The following C17orf99 variants were observed in gnomAD, a reference collection of about 807,000 sequenced individuals.
The protein encoded by C17orf99 is chromosome 17 open reading frame 99, also known as protein IL-40.
In C17orf99, 18 loss-of-function variants were observed where a neutral mutation model predicts 22.6. That is an observed-to-expected ratio of 0.80 (90% CI 0.55 to 1.18). The LOEUF is 1.18. C17orf99 is among the 50% of genes most tolerant of loss of function. The pLI is 0.00. For synonymous variants in C17orf99, 147 were observed against 136.6 expected, an observed-to-expected ratio of 1.08 and a Z score of -0.53; for missense variants, 328 against 342.7, an observed-to-expected ratio of 0.96 and a Z score of 0.34.
chr17:78,156,517 C>T (rs190190222), intron 2 of C17orf99, among the ~76,000 whole-genome samples: 156 of 152,116 alleles, frequency 1.0e-3, no homozygotes, highest in Middle Eastern at 0.01. Flanking sequence ...CGCTGACGGG[C>T]TGGTTTTGAT....
intron 3 of C17orf99, among the ~76,000 whole-genome samples, chr17:78,162,539 G>C (rs2075586260): frequency 6.6e-6 from 1 of 152,090 alleles, no homozygotes; most frequent in Admixed American, 6.6e-5. Context: ...GGGGAGATGA[G>C]CCCAGGATCT....
At chr17:78,149,990 A>G (rs9897085) in intron 2 of C17orf99, among the ~76,000 whole-genome samples, 1 of 145,338 alleles carries the variant, frequency 6.9e-6, no homozygotes, top group Non-Finnish European at 1.5e-5. Context: ...ATTACAGGCG[A>G]GAGCCACCAC....
intron 2 of C17orf99, among the ~76,000 whole-genome samples, chr17:78,151,047 C>T (rs1470570923): frequency 6.6e-6 from 1 of 151,434 alleles, no homozygotes; most frequent in Non-Finnish European, 1.5e-5. Context: ...CGCTTGAACC[C>T]GGGAGGCGGA....
At chr17:78,156,485 T>A (rs987783642) in intron 2 of C17orf99, among the ~76,000 whole-genome samples, 1 of 151,476 alleles carries the variant, frequency 6.6e-6, no homozygotes, top group Non-Finnish European at 1.5e-5. Flanking sequence ...CTGGCGTAGG[T>A]GGGTGAAGGC....
upstream of C17orf99, among the ~76,000 whole-genome samples, chr17:78,145,841 G>A (rs1015040285): frequency 3.3e-4 from 49 of 149,022 alleles, no homozygotes; most frequent in Non-Finnish European, 6.1e-4. Context: ...TGTTGCCCAG[G>A]CTGGAGTGCA....
At chr17:78,153,339 G>T (rs1483178596) in intron 2 of C17orf99, among the ~76,000 whole-genome samples, 1 of 152,042 alleles carries the variant, frequency 6.6e-6, no homozygotes, top group African/African-American at 2.4e-5. Flanking sequence ...CAAAAAATTA[G>T]CCGGGCGTGG....
At chr17:78,152,563 G>C (rs2075492997) in intron 2 of C17orf99, among the ~76,000 whole-genome samples, 1 of 151,720 alleles carries the variant, frequency 6.6e-6, no homozygotes, top group Non-Finnish European at 1.5e-5. Flanking sequence ...TCGAACTTCT[G>C]AGTTCAAGTG....
At chr17:78,159,646 C>G (rs1038831259) in intron 2 of C17orf99, among the ~76,000 whole-genome samples, 9 of 151,600 alleles carry the variant, frequency 5.9e-5, no homozygotes, top group Non-Finnish European at 1.0e-4. Flanking sequence ...TAGTGTTGCT[C>G]AACCACCACC....
intron 2 of C17orf99, chr17:78,157,347 G>A (rs542554545): frequency 1.9e-5 from 15 of 804,922 alleles, no homozygotes; most frequent in East Asian, 1.5e-4. Flanking sequence ...CGGCGGCGGC[G>A]GTGGGCTCGG....
intron 2 of C17orf99, among the ~76,000 whole-genome samples, chr17:78,147,869 C>T (rs967147108): frequency 3.9e-5 from 6 of 152,158 alleles, no homozygotes; most frequent in South Asian, 2.1e-4. Flanking sequence ...AGGGCAGTTC[C>T]GCCTCCCCCT....
intron 2 of C17orf99, among the ~76,000 whole-genome samples, chr17:78,151,021 G>A (rs1221519334): frequency 6.6e-6 from 1 of 152,070 alleles, no homozygotes; most frequent in Non-Finnish European, 1.5e-5. Context: ...TACTCAGGAG[G>A]CTGAGGCAGG....
intron 2 of C17orf99, chr17:78,157,343 CGGCGGT>C (rs1567819658): frequency 7.9e-6 from 6 of 755,128 alleles, no homozygotes; most frequent in African/African-American, 7.5e-5. Flanking sequence ...GCGGCGGCGG[CGGCGGT>C]GGGCTCGGAG....
chr17:78,146,541 G>A lies in C17orf99; in HGVS notation c.37+97G>A, dbSNP rs1598937792. 1 of 1,109,808 alleles carries A rather than the reference G, an allele frequency of 9.0e-7. No individual in the cohort carries two copies. The highest frequency in any genetic ancestry group is 2.6e-5 in the East Asian group (1 of 38,892). The allele number at this position is 1,109,808 out of a possible 1,614,324, so 68.7% of individuals were successfully genotyped here. On this transcript the variant is annotated intron_variant, in intron 1 of 4. Coordinates refer to ENST00000340363, the MANE Select transcript of C17orf99 (RefSeq NM_001163075.2). The surrounding 1 kb of genome is among the most constrained non-coding windows in gnomAD (Gnocchi z 5.2). The stretch of plus-strand genomic sequence containing the variant: ...TGGGAGCACAGGAGAGATGAGGCCT[G>A]AAGGAAGGGCACCTCTGGAAACATG...
At chr17:78,149,199 G>A (rs182851795) in intron 2 of C17orf99, among the ~76,000 whole-genome samples, 38 of 151,862 alleles carry the variant, frequency 2.5e-4, no homozygotes, top group Middle Eastern at 3.4e-3. Flanking sequence ...GGGCGTGGTG[G>A]CGCACGTCTG....
At chr17:78,162,381 T>C (rs2075584854) in intron 3 of C17orf99, among the ~76,000 whole-genome samples, 1 of 151,586 alleles carries the variant, frequency 6.6e-6, no homozygotes, top group Non-Finnish European at 1.5e-5. Flanking sequence ...TCTTCCTGTT[T>C]CCATCCTGAT....
intron 2 of C17orf99, 38 bp from the exon 3 acceptor site, chr17:78,160,917 G>A (rs748921560): frequency 3.1e-5 from 46 of 1,503,924 alleles, no homozygotes; most frequent in Middle Eastern, 3.4e-4. Context: ...GATCAATGTC[G>A]GTTTCTTTCT....
chr17:78,165,466 A>T (rs2075610565), intron 4 of C17orf99: 1 of 985,652 alleles, frequency 1.0e-6, no homozygotes, highest in Non-Finnish European at 1.2e-6. Flanking sequence ...AGTAAGCCTC[A>T]TGTCTCTTCT....
intron 4 of C17orf99, chr17:78,165,598 T>C (rs2075611429): frequency 8.2e-6 from 8 of 969,884 alleles, no homozygotes; most frequent in African/African-American, 1.8e-5. Context: ...AGGTCAGGAG[T>C]TCGAGACCAG....
At chr17:78,157,096 G>A (rs770654940) in intron 2 of C17orf99, among the ~76,000 whole-genome samples, 5 of 151,986 alleles carry the variant, frequency 3.3e-5, no homozygotes, top group East Asian at 1.9e-4. Flanking sequence ...TTGGGAGGCC[G>A]AGGTGGGTGG....
Sources: allele counts gnomAD v4.1 joint callset (sites outside exome capture counted in the v4.1 genomes callset), GRCh38; gene constraint gnomAD v4.1.1; non-coding constraint Gnocchi (gnomAD v3.1); transcripts MANE v1.5; gene names NCBI Gene and HGNC (gene_info 2026-07-23, HGNC 2026-07-21).